The following B3GLCT variants were observed in gnomAD, a reference collection of about 807,000 sequenced individuals.
The protein encoded by B3GLCT is beta-1,3-glucosyltransferase.
A neutral mutation model predicts 63.4 loss-of-function variants in B3GLCT; 65 were observed. The ratio of observed to expected loss-of-function variants is 1.03; its 90% CI spans 0.84 to 1.26. The LOEUF is 1.26. Ranked by LOEUF, B3GLCT falls within the 50% of genes most tolerant of loss-of-function variation. The probability of loss-of-function intolerance (pLI) is 0.00; values close to 1 mark genes in which losing one functional copy is unlikely to be tolerated. For synonymous variants in B3GLCT, 233 were observed against 219.2 expected, an observed-to-expected ratio of 1.06 and a Z score of -0.55; for missense variants, 577 against 604.8, an observed-to-expected ratio of 0.95 and a Z score of 0.48.
intron 3 of B3GLCT, among the ~76,000 whole-genome samples, chr13:31,227,236 A>T (rs914802836): frequency 6.6e-6 from 1 of 152,156 alleles, no homozygotes; most frequent in Admixed American, 6.5e-5. Context: ...CACTTTTGTC[A>T]TATATCCTTG....
At chr13:31,299,124 C>T (rs1874100607) in intron 12 of B3GLCT, among the ~76,000 whole-genome samples, 1 of 152,208 alleles carries the variant, frequency 6.6e-6, no homozygotes, top group South Asian at 2.1e-4. Flanking sequence ...CTTCTCCAGA[C>T]CAGCCTTAGA....
intron 1 of B3GLCT, among the ~76,000 whole-genome samples, chr13:31,200,576 C>G (rs1420488809): frequency 1.3e-5 from 2 of 151,172 alleles, no homozygotes; most frequent in African/African-American, 4.8e-5. Flanking sequence ...CCCTGCCTTC[C>G]GCCCGCGCTC....
At chr13:31,316,421 A>ATATATATATATATATATATC (rs1875027668) in intron 12 of B3GLCT, among the ~76,000 whole-genome samples, 1 of 108,710 alleles carries the variant, frequency 9.2e-6, no homozygotes. Context: ...ATATATATAT[A>ATATATATATATATATATATC]TATATATATA....
chr13:31,302,282 G>A (rs1455809518), intron 12 of B3GLCT, among the ~76,000 whole-genome samples: 14 of 152,180 alleles, frequency 9.2e-5, no homozygotes, highest in African/African-American at 3.4e-4. Context: ...ATATTCAGTG[G>A]GTGAATATCC....
intron 13 of B3GLCT, among the ~76,000 whole-genome samples, chr13:31,322,356 T>C (rs1176175816): frequency 6.6e-6 from 1 of 152,290 alleles, no homozygotes; most frequent in African/African-American, 2.4e-5. Context: ...CACTGTGTTC[T>C]TGGGCAAGTC....
At chr13:31,240,129 C>T (rs1240209767) in intron 4 of B3GLCT, among the ~76,000 whole-genome samples, 1 of 151,914 alleles carries the variant, frequency 6.6e-6, no homozygotes, top group East Asian at 1.9e-4. Context: ...CAAATACTGC[C>T]CCCCTCTCTA....
chr13:31,205,236 T>G (rs1033531141), intron 1 of B3GLCT, among the ~76,000 whole-genome samples: 10 of 140,170 alleles, frequency 7.1e-5, no homozygotes, highest in East Asian at 2.0e-4. Flanking sequence ...TTTGAGTAGG[T>G]TTTTTTTTTT....
At chr13:31,316,821 G>T (rs1875059278) in intron 12 of B3GLCT, among the ~76,000 whole-genome samples, 1 of 152,136 alleles carries the variant, frequency 6.6e-6, no homozygotes, top group Non-Finnish European at 1.5e-5. Context: ...CCAAACAGCA[G>T]CTGCAGTTGC....
At chr13:31,316,835 C>T (rs1338025258) in intron 12 of B3GLCT, among the ~76,000 whole-genome samples, 1 of 152,144 alleles carries the variant, frequency 6.6e-6, no homozygotes, top group Non-Finnish European at 1.5e-5. Context: ...CAGTTGCAGG[C>T]ATTTTTATGA....
rs116968807 is a variant in B3GLCT, at chr13:31,277,548, A to G, written c.850+777A>G. On this transcript the variant is annotated intron_variant, in intron 10 of 14. Coordinates refer to ENST00000343307, the MANE Select transcript of B3GLCT (RefSeq NM_194318.4). Reference sequence around the variant, plus strand: ...TTTTTTCCCCATGAAAAGACTGTCAATTTCACCAAGGATGTGGTATTTATG... The same window carrying G: ...TTTTTTCCCCATGAAAAGACTGTCAGTTTCACCAAGGATGTGGTATTTATG... 9.2e-3 allele frequency among the ~76,000 whole-genome samples: 1,398 copies of G among 152,240 alleles called. 16 individuals carry two copies. The Middle Eastern group carries it at 0.099, about 11-fold the overall frequency.
chr13:31,292,893 G>C (rs2203090), intron 12 of B3GLCT, among the ~76,000 whole-genome samples: 107,457 of 151,814 alleles, frequency 0.71, 38,882 homozygotes, highest in Middle Eastern at 0.8. Flanking sequence ...TCTTTTAATT[G>C]TGATGTTAGG....
At chr13:31,297,013 C>T (rs1412715119) in intron 12 of B3GLCT, among the ~76,000 whole-genome samples, 1 of 149,754 alleles carries the variant, frequency 6.7e-6, no homozygotes, top group Non-Finnish European at 1.5e-5. Context: ...TAAATGGAAT[C>T]ATACAGTACT....
intron 6 of B3GLCT, among the ~76,000 whole-genome samples, chr13:31,259,503 G>A (rs1871912481): frequency 6.6e-6 from 1 of 151,660 alleles, no homozygotes; most frequent in Non-Finnish European, 1.5e-5. Flanking sequence ...GCTTTGCTCA[G>A]CTTTTTAGCC....
At chr13:31,258,205 G>C (rs1027132285) in intron 6 of B3GLCT, among the ~76,000 whole-genome samples, 1 of 152,146 alleles carries the variant, frequency 6.6e-6, no homozygotes, top group African/African-American at 2.4e-5. Flanking sequence ...TATCTAATAG[G>C]AACCTAAAAC....
At position 31,308,362 on chromosome 13, in the gene B3GLCT, A is replaced by AAAAACAAAAAAC. The variant is rs144783437; in HGVS notation, c.1065-9200_1065-9199insCAAAAAACAAAA. ...AAAAAAAAATTAAAAAAAAAAAAAC[A>AAAAACAAAAAAC]AAAAAAAAAGCTAGTCCCACATGGC... On this transcript the variant is annotated intron_variant, in intron 12 of 14. Coordinates refer to ENST00000343307, the MANE Select transcript of B3GLCT (RefSeq NM_194318.4). Among the ~76,000 whole-genome samples the AAAAACAAAAAAC allele has an allele frequency of 6.5e-5, 4 of 61,878 alleles. 1 individual carries two copies. Among genetic ancestry groups the AAAAACAAAAAAC allele is most frequent in the African/African-American group, 1.8e-4 (4 of 21,772 alleles). The allele number at this position is 61,878 out of a possible 152,430, so 40.6% of individuals were successfully genotyped here. A position where few individuals can be genotyped will look rare whatever the true frequency, so the allele number is the denominator to read the frequency against.
chr13:31,206,878 A>G (rs1868986369), intron 1 of B3GLCT, among the ~76,000 whole-genome samples: 1 of 152,240 alleles, frequency 6.6e-6, no homozygotes, highest in Non-Finnish European at 1.5e-5. Context: ...TGGAAACACC[A>G]GAACTAAAAC....
In B3GLCT at chr13:31,241,296, G is replaced by T. The variant is rs115758972; in HGVS notation, c.271-5727G>T. Among the ~76,000 whole-genome samples the T allele has an allele frequency of 1.1e-3, 169 of 152,348 alleles. 1 individual carries two copies. The highest frequency in any genetic ancestry group is 3.8e-3 in the African/African-American group (157 of 41,588). Reference sequence around the variant, plus strand: ...GAGGGTGGGCCTCCCTTCCAGCATGGCATGTTGGATGAGTATGGAGCTGGA... The same window carrying T: ...GAGGGTGGGCCTCCCTTCCAGCATGTCATGTTGGATGAGTATGGAGCTGGA... On this transcript the variant is annotated intron_variant, in intron 4 of 14. Coordinates refer to ENST00000343307, the MANE Select transcript of B3GLCT (RefSeq NM_194318.4).
At chr13:31,262,391 G>A (rs2085595203) in intron 7 of B3GLCT, among the ~76,000 whole-genome samples, 1 of 152,232 alleles carries the variant, frequency 6.6e-6, no homozygotes, top group South Asian at 2.1e-4. Context: ...CCCGGCCCCT[G>A]CCAAGCATGC....
intron 14 of B3GLCT, among the ~76,000 whole-genome samples, chr13:31,324,713 CTTAT>C (rs1032319839): frequency 1.1e-4 from 16 of 151,840 alleles, no homozygotes; most frequent in East Asian, 5.8e-4. Flanking sequence ...TTTTTTATGC[CTTAT>C]TTATTTATTT....
Sources: gnomAD v4.1 joint callset for allele counts (sites outside exome capture counted in the v4.1 genomes callset) on GRCh38, gnomAD v4.1.1 for gene constraint, MANE v1.5 for transcripts, NCBI Gene and HGNC (gene_info 2026-07-23, HGNC 2026-07-21) for gene names.